Variants in SLC39A10 observed in about 807,000 individuals in gnomAD.
The protein encoded by SLC39A10 is solute carrier family 39 member 10, also known as zinc transporter ZIP10.
SLC39A10 carries 13 observed loss-of-function variants against 65.1 expected under a neutral mutation model. The observed-to-expected ratio is 0.20, with a 90% CI of 0.13 to 0.32. The LOEUF (loss-of-function observed/expected upper bound fraction) is 0.32. SLC39A10 is among the 10% of genes least tolerant of loss of function. The pLI, the probability that SLC39A10 is intolerant of heterozygous loss-of-function variation, is 1.00. For missense variants in SLC39A10, 831 were observed against 1,018.4 expected (o/e 0.82, Z 2.50); for synonymous variants, 321 against 342.2 (o/e 0.94, Z 0.68).
At chr2:195,708,122 T>G (rs568638376) in intron 4 of SLC39A10, among the ~76,000 whole-genome samples, 125 of 152,258 alleles carry the variant, frequency 8.2e-4, no homozygotes, top group African/African-American at 3.0e-3. Flanking sequence ...GAGAAGAAAC[T>G]GATGAAATAA....
chr2:195,625,661 C>T (rs757713697), intron 2 of SLC39A10, among the ~76,000 whole-genome samples: 2 of 152,028 alleles, frequency 1.3e-5, no homozygotes, highest in Non-Finnish European at 2.9e-5. Context: ...TTATTAAGTA[C>T]CTAATTGTGT....
At chr2:195,724,700 A>G (rs1692173122) in intron 8 of SLC39A10, among the ~76,000 whole-genome samples, 4 of 152,224 alleles carry the variant, frequency 2.6e-5, no homozygotes, top group Admixed American at 2.6e-4. Flanking sequence ...TACCAGGTTC[A>G]GGGACCAGAA....
intron 9 of SLC39A10, among the ~76,000 whole-genome samples, chr2:195,734,627 C>T (rs1248898272): frequency 6.6e-6 from 1 of 152,086 alleles, no homozygotes; most frequent in Admixed American, 6.5e-5. Context: ...TGAAAAATGA[C>T]TAATGTGCAT....
chr2:195,621,717 AAACT>A (rs1251290165), intron 2 of SLC39A10, among the ~76,000 whole-genome samples: 7 of 152,244 alleles, frequency 4.6e-5, no homozygotes, highest in Non-Finnish European at 1.0e-4. Flanking sequence ...AGAGATTTGC[AAACT>A]AACCTGAATA....
At chr2:195,689,276 G>C (rs1690635351) in intron 3 of SLC39A10, among the ~76,000 whole-genome samples, 1 of 152,180 alleles carries the variant, frequency 6.6e-6, no homozygotes, top group South Asian at 2.1e-4. Context: ...GAAAAAATTA[G>C]CTGGGCATGG....
intron 4 of SLC39A10, among the ~76,000 whole-genome samples, chr2:195,707,366 GTCTA>G (rs1469280413): frequency 6.6e-6 from 1 of 152,126 alleles, no homozygotes. Flanking sequence ...GTAGATAGCT[GTCTA>G]TCACCAGCTA....
chr2:195,616,212 C>A (rs1688203473), intron 2 of SLC39A10, among the ~76,000 whole-genome samples: 1 of 152,160 alleles, frequency 6.6e-6, no homozygotes, highest in African/African-American at 2.4e-5. Flanking sequence ...GCCTCGGCCT[C>A]CCAAAGTGTT....
chr2:195,707,641 G>A lies in SLC39A10; in HGVS notation c.1386+856G>A, dbSNP rs1474751938. ...TAATGAATCTTAAGGCTGTGAATATGAAGTTTTTGTTTCACCATTTCTACT... is the reference window on the plus strand; with the variant it reads ...TAATGAATCTTAAGGCTGTGAATATAAAGTTTTTGTTTCACCATTTCTACT... On this transcript the variant is annotated intron_variant, in intron 4 of 9. Transcript: ENST00000359634. Among the ~76,000 whole-genome samples, 3 of 151,656 alleles carry A rather than the reference G, an allele frequency of 2.0e-5. 1 individual carries two copies. Among genetic ancestry groups the A allele is most frequent in the Admixed American group, 2.0e-4 (3 of 15,226 alleles).
intron 1 of SLC39A10, among the ~76,000 whole-genome samples, chr2:195,677,078 T>C (rs1033975782): frequency 1.3e-5 from 2 of 152,238 alleles, no homozygotes; most frequent in African/African-American, 4.8e-5. Flanking sequence ...AATTTGATTT[T>C]TATAAAACTT....
At chr2:195,640,023 G>A (rs1047019459) in intron 2 of SLC39A10, among the ~76,000 whole-genome samples, 4 of 152,168 alleles carry the variant, frequency 2.6e-5, no homozygotes, top group African/African-American at 9.6e-5. Context: ...ATCCAAAACT[G>A]TTTATTTTGT....
upstream of SLC39A10, among the ~76,000 whole-genome samples, chr2:195,654,492 A>G (rs1207408411): frequency 6.6e-6 from 1 of 152,214 alleles, no homozygotes; most frequent in African/African-American, 2.4e-5. Context: ...GACTGGTCAC[A>G]TTTGAAATTT....
intron 3 of SLC39A10, among the ~76,000 whole-genome samples, chr2:195,687,065 G>A (rs1338089958): frequency 6.6e-6 from 1 of 152,112 alleles, no homozygotes; most frequent in Non-Finnish European, 1.5e-5. Flanking sequence ...CTTTGAACTG[G>A]ATTTGAATTC....
Position 195,680,112 on chromosome 2 carries a change from C to A in SLC39A10, c.70C>A (p.His24Asn). 1 of 1,612,730 alleles carries A rather than the reference C, an allele frequency of 6.2e-7. No individual in the cohort carries two copies. The highest frequency in any genetic ancestry group is 8.5e-7 in the Non-Finnish European group (1 of 1,179,760). ...GACATTTATTTTTCATCATTGCAAC[C>A]ATTGCCATGAAGAACATGACCATGG... ...LLTFIFHHCN[H>N]CHEEHDHGPE... Residue 24 changes from histidine to asparagine, a missense_variant, in exon 2 of 10, where the codon CAT (histidine) becomes AAT (asparagine). His to Asn is a moderately conservative substitution (Grantham distance 68). Coordinates refer to ENST00000359634, the MANE Select transcript of SLC39A10 (RefSeq NM_020342.3).
intron 8 of SLC39A10, among the ~76,000 whole-genome samples, chr2:195,726,398 G>A (rs1692240172): frequency 6.6e-6 from 1 of 152,120 alleles, no homozygotes; most frequent in African/African-American, 2.4e-5. Flanking sequence ...TTGAAAACAA[G>A]GAGAGGAAAT....
chr2:195,721,822 C>T (rs1692056877), intron 8 of SLC39A10, among the ~76,000 whole-genome samples: 1 of 152,136 alleles, frequency 6.6e-6, no homozygotes, highest in South Asian at 2.1e-4. Context: ...TTCATCTACC[C>T]ACTACCTGGT....
chr2:195,687,757 CAA>C (rs1437784437), intron 3 of SLC39A10, among the ~76,000 whole-genome samples: 1 of 152,180 alleles, frequency 6.6e-6, no homozygotes, highest in African/African-American at 2.4e-5. Flanking sequence ...TAACTTTGTT[CAA>C]AGACTGCTGT....
At chr2:195,627,409 C>A (rs1405819653) in intron 2 of SLC39A10, among the ~76,000 whole-genome samples, 1 of 152,096 alleles carries the variant, frequency 6.6e-6, no homozygotes, top group Non-Finnish European at 1.5e-5. Context: ...AAATTTATGC[C>A]ATTCTGTATA....
intron 2 of SLC39A10, among the ~76,000 whole-genome samples, chr2:195,647,451 G>A (rs1688945311): frequency 2.0e-5 from 3 of 151,658 alleles, no homozygotes. Context: ...CAACAAGATT[G>A]TGTGTTTCAC....
intron 2 of SLC39A10, among the ~76,000 whole-genome samples, chr2:195,642,942 T>C (rs999749360): frequency 1.3e-5 from 2 of 152,160 alleles, no homozygotes; most frequent in South Asian, 2.1e-4. Flanking sequence ...CTGTCTGCTA[T>C]TAAAGTAGAG....
Sources: allele counts gnomAD v4.1 joint callset (sites outside exome capture counted in the v4.1 genomes callset), GRCh38; gene constraint gnomAD v4.1.1; transcripts MANE v1.5; gene names NCBI Gene and HGNC (gene_info 2026-07-23, HGNC 2026-07-21).